CNTNAP2: variants seen among roughly 807,000 people sequenced by gnomAD.
The protein encoded by CNTNAP2 is contactin associated protein 2, also known as contactin-associated protein-like 2.
Under a neutral mutation model 155.2 loss-of-function variants are expected in CNTNAP2, and 98 were observed. That is an observed-to-expected ratio of 0.63 (90% CI 0.54 to 0.75). The LOEUF is 0.75. CNTNAP2 is among the 30% of genes least tolerant of loss of function. The pLI, the probability that CNTNAP2 is intolerant of heterozygous loss-of-function variation, is 0.00. For synonymous variants in CNTNAP2, 651 were observed against 631.2 expected, an observed-to-expected ratio of 1.03 and a Z score of -0.47; for missense variants, 1,727 against 1,688.1, an observed-to-expected ratio of 1.02 and a Z score of -0.40.
At chr7:147,255,645 AGATAAAAGTAATACATTTTAC>A (rs1804306900) in intron 8 of CNTNAP2, among the ~76,000 whole-genome samples, 1 of 152,206 alleles carries the variant, frequency 6.6e-6, no homozygotes, top group Non-Finnish European at 1.5e-5. Flanking sequence ...AAAAAAATGG[AGATAAAAGTAATACATTTTAC>A]GATAAAACCA....
chr7:148,369,432 A>G (rs1197204221), intron 21 of CNTNAP2, among the ~76,000 whole-genome samples: 2 of 151,426 alleles, frequency 1.3e-5, no homozygotes, highest in South Asian at 2.1e-4. Flanking sequence ...GTTAGTAGAG[A>G]CAGGGTTTCG....
chr7:147,578,571 A>G (rs936400440), intron 12 of CNTNAP2, among the ~76,000 whole-genome samples: 3 of 152,154 alleles, frequency 2.0e-5, no homozygotes, highest in Non-Finnish European at 4.4e-5. Flanking sequence ...CAGTATTATT[A>G]TATCATGATG....
At chr7:148,346,976 G>A (rs971697404) in intron 21 of CNTNAP2, among the ~76,000 whole-genome samples, 1 of 151,764 alleles carries the variant, frequency 6.6e-6, no homozygotes, top group African/African-American at 2.4e-5. Context: ...TAACTACCTG[G>A]CCAGGCGCAG....
At chr7:146,354,667 A>G (rs1304883549) in intron 1 of CNTNAP2, among the ~76,000 whole-genome samples, 1 of 152,086 alleles carries the variant, frequency 6.6e-6, no homozygotes, top group Non-Finnish European at 1.5e-5. Flanking sequence ...CACCCACCTC[A>G]GCCTCCCAAA....
chr7:146,132,961 A>G (rs1261267932), intron 1 of CNTNAP2, among the ~76,000 whole-genome samples: 1 of 148,032 alleles, frequency 6.8e-6, no homozygotes, highest in African/African-American at 2.5e-5. Flanking sequence ...TGGTATTTCC[A>G]GTTCTAGATC....
chr7:148,259,043 G>T (rs544912761), intron 20 of CNTNAP2, among the ~76,000 whole-genome samples: 2 of 152,002 alleles, frequency 1.3e-5, no homozygotes, highest in South Asian at 4.2e-4. Context: ...GGGCATGGTG[G>T]CATGTGCCTG....
intron 3 of CNTNAP2, among the ~76,000 whole-genome samples, chr7:147,001,211 T>G (rs1022404103): frequency 6.6e-6 from 1 of 152,076 alleles, no homozygotes; most frequent in African/African-American, 2.4e-5. Flanking sequence ...CATCTTTTAC[T>G]TGGTTTTCGT....
At chr7:146,975,456 CTCTG>C (rs111880916) in intron 3 of CNTNAP2, among the ~76,000 whole-genome samples, 6,206 of 152,156 alleles carry the variant, frequency 0.041, 142 homozygotes, top group South Asian at 0.079. Flanking sequence ...CAGAGTGAGA[CTCTG>C]TCTAAGAAAA....
chr7:146,325,397 C>T (rs1801080823), intron 1 of CNTNAP2, among the ~76,000 whole-genome samples: 1 of 152,154 alleles, frequency 6.6e-6, no homozygotes, highest in Non-Finnish European at 1.5e-5. Context: ...ATTCAACTTG[C>T]ATTCTTCCCC....
intron 1 of CNTNAP2, among the ~76,000 whole-genome samples, chr7:146,462,976 A>G (rs1563093584): frequency 6.6e-6 from 1 of 152,144 alleles, no homozygotes; most frequent in African/African-American, 2.4e-5. Context: ...GGAGGAAACA[A>G]TGCATCAGAC....
chr7:147,987,349 T>C (rs1181834450), intron 15 of CNTNAP2, among the ~76,000 whole-genome samples: 1 of 152,200 alleles, frequency 6.6e-6, no homozygotes, highest in Admixed American at 6.5e-5. Context: ...GGACGTAAAA[T>C]TGGTTACAGT....
intron 14 of CNTNAP2, among the ~76,000 whole-genome samples, chr7:147,957,250 G>A (rs760317638): frequency 7.9e-5 from 12 of 152,172 alleles, no homozygotes; most frequent in Non-Finnish European, 1.2e-4. Context: ...TGACAAATAC[G>A]ATGGAGAGAG....
intron 4 of CNTNAP2, among the ~76,000 whole-genome samples, chr7:147,079,515 G>A (rs1034731542): frequency 7.3e-5 from 11 of 151,242 alleles, no homozygotes; most frequent in Admixed American, 1.3e-4. Context: ...TAATGGTTGC[G>A]GCACACCAAC....
intron 1 of CNTNAP2, among the ~76,000 whole-genome samples, chr7:146,465,794 G>A (rs1050098521): frequency 6.6e-6 from 1 of 151,940 alleles, no homozygotes; most frequent in African/African-American, 2.4e-5. Context: ...GAATTTATTT[G>A]GTTTATGTTG....
chr7:146,758,237 C>T (rs1056909325), intron 1 of CNTNAP2, among the ~76,000 whole-genome samples: 3 of 152,136 alleles, frequency 2.0e-5, no homozygotes, highest in African/African-American at 4.8e-5. Context: ...AGTTTCATTT[C>T]TGTACCTTTG....
intron 1 of CNTNAP2, among the ~76,000 whole-genome samples, chr7:146,662,448 G>C (rs925894584): frequency 6.6e-6 from 1 of 151,690 alleles, no homozygotes; most frequent in Non-Finnish European, 1.5e-5. Context: ...AGTTTGTTTT[G>C]TTTTGTTTTG....
rs371009902 is a variant in CNTNAP2, at chr7:148,172,490, C to T, written c.3010+12C>T. The T allele has an allele frequency of 9.3e-6, 15 of 1,611,232 alleles. No homozygotes were observed. The highest frequency in any genetic ancestry group is 1.1e-5 in the Non-Finnish European group (13 of 1,177,584). ...ATTTTGCAACAAAGGTAAGGTGGAA[C>T]CCATTTCCAGAGCCACTTTTGCGTG... is the stretch of plus-strand genomic sequence containing the variant. On this transcript the variant is annotated intron_variant, in intron 18 of 23. Transcript: ENST00000361727.
At chr7:146,518,595 A>C (rs920940985) in intron 1 of CNTNAP2, among the ~76,000 whole-genome samples, 1 of 151,778 alleles carries the variant, frequency 6.6e-6, no homozygotes, top group African/African-American at 2.4e-5. Context: ...CTTTTTTTTG[A>C]GAGAGGAAAA....
intron 9 of CNTNAP2, among the ~76,000 whole-genome samples, chr7:147,364,843 A>C (rs988151375): frequency 1.3e-5 from 2 of 150,618 alleles, no homozygotes; most frequent in African/African-American, 4.9e-5. Flanking sequence ...AGTGAGACTC[A>C]GTCTCGGGAA....
Sources: allele counts gnomAD v4.1 joint callset (sites outside exome capture counted in the v4.1 genomes callset), GRCh38; gene constraint gnomAD v4.1.1; transcripts MANE v1.5; gene names NCBI Gene and HGNC (gene_info 2026-07-23, HGNC 2026-07-21).